SLC17A6: variants seen among roughly 807,000 people sequenced by gnomAD.
SLC17A6 encodes the protein solute carrier family 17 member 6.
SLC17A6 carries 35 observed loss-of-function variants against 67.1 expected under a neutral mutation model. The ratio of observed to expected loss-of-function variants is 0.52; its 90% CI spans 0.40 to 0.69. SLC17A6 has a LOEUF of 0.69. Ranked by LOEUF, SLC17A6 falls within the 30% of genes least tolerant of loss-of-function variation. SLC17A6 has a pLI of 0.00. For missense variants in SLC17A6, 588 were observed against 723.9 expected (o/e 0.81, Z 2.15); for synonymous variants, 285 against 252.3 (o/e 1.13, Z -1.23).
intron 3 of SLC17A6, among the ~76,000 whole-genome samples, chr11:22,347,218 A>C (rs1483594542): frequency 6.6e-6 from 1 of 150,678 alleles, no homozygotes; most frequent in Non-Finnish European, 1.5e-5. Flanking sequence ...AAATAAAATA[A>C]ATATCACAAC....
At chr11:22,346,066 C>G (rs1210351242) in intron 3 of SLC17A6, among the ~76,000 whole-genome samples, 1 of 152,094 alleles carries the variant, frequency 6.6e-6, no homozygotes, top group African/African-American at 2.4e-5. Flanking sequence ...CATCATGTAC[C>G]CATTCAAATA....
In SLC17A6 at chr11:22,338,614, C is replaced by A; in HGVS notation, c.81C>A (p.Ile27=). Reference sequence around the variant, plus strand: ...TTGCTGGAAAATCACTCGGCCAGATCTACAGGTAAGACAAAGCGAACACTT... The same window carrying A: ...TTGCTGGAAAATCACTCGGCCAGATATACAGGTAAGACAAAGCGAACACTT... ...KNFAGKSLGQ[I]YRVLEKKQDT... is the part of the protein sequence containing the mutation. The change falls in exon 1 of 12, where the codon ATC becomes ATA. Residue 27 remains isoleucine (I), a synonymous_variant. Transcript: ENST00000263160. The A allele has an allele frequency of 6.2e-7, 1 of 1,612,314 alleles. No individual in the cohort carries two copies. Among genetic ancestry groups the A allele is most frequent in the Non-Finnish European group, 8.5e-7 (1 of 1,178,864 alleles).
intron 1 of SLC17A6, 48 bp downstream of exon 1, chr11:22,338,667 T>C: frequency 7.3e-7 from 1 of 1,375,676 alleles, no homozygotes. Context: ...CATGAAAAAA[T>C]CTGCAGGGCC....
At chr11:22,376,414 A>T in intron 10 of SLC17A6, 131 bp from the exon 11 acceptor site, 1 of 978,978 alleles carries the variant, frequency 1.0e-6, no homozygotes, top group Non-Finnish European at 1.5e-6. Context: ...CCCGAGAGAA[A>T]TTATCACAAA....
chr11:22,340,506 T>G (rs747495162), intron 1 of SLC17A6, among the ~76,000 whole-genome samples: 1 of 152,168 alleles, frequency 6.6e-6, no homozygotes, highest in Non-Finnish European at 1.5e-5. Context: ...TGAAACACTA[T>G]GCAAAAACAA....
At chr11:22,360,618 T>A (rs1233300162) in intron 4 of SLC17A6, among the ~76,000 whole-genome samples, 1 of 147,796 alleles carries the variant, frequency 6.8e-6, no homozygotes, top group Non-Finnish European at 1.5e-5. Flanking sequence ...TTTCAGGAAG[T>A]GTGAGCTCCA....
At chr11:22,362,291 G>A (rs746443610) in intron 5 of SLC17A6, 40 of 396,800 alleles carry the variant, frequency 1.0e-4, no homozygotes, top group Non-Finnish European at 1.9e-4. Flanking sequence ...CAAAGAGACC[G>A]CTGGCAGAGA....
intron 3 of SLC17A6, among the ~76,000 whole-genome samples, chr11:22,355,068 G>C (rs1483150156): frequency 6.6e-6 from 1 of 152,156 alleles, no homozygotes; most frequent in African/African-American, 2.4e-5. Context: ...TGCTTAGAGT[G>C]TGCCAGCCAT....
intron 1 of SLC17A6, 87 bp downstream of exon 1, chr11:22,338,706 G>A (rs565960061): frequency 1.4e-5 from 13 of 959,602 alleles, no homozygotes; most frequent in African/African-American, 1.3e-4. Context: ...GGCTCAGAAA[G>A]ATTGTAATAT....
At chr11:22,351,379 C>T (rs1310069963) in intron 3 of SLC17A6, among the ~76,000 whole-genome samples, 2 of 152,050 alleles carry the variant, frequency 1.3e-5, no homozygotes, top group African/African-American at 4.8e-5. Flanking sequence ...TCCACCCTCA[C>T]CACCACCCCA....
chr11:22,374,921 T>C, intron 9 of SLC17A6, 34 bp downstream of exon 9: 1 of 1,583,186 alleles, frequency 6.3e-7, no homozygotes, highest in African/African-American at 1.4e-5. Flanking sequence ...GACATGTTTT[T>C]AGTTCAATCA....
At chr11:22,341,826 G>GCCT in intron 2 of SLC17A6, 46 bp downstream of exon 2, 1 of 1,599,636 alleles carries the variant, frequency 6.3e-7, no homozygotes, top group Non-Finnish European at 8.5e-7. Flanking sequence ...CGGCCATGCG[G>GCCT]CCTCGCAAAA....
chr11:22,370,609 G>T (rs572427562), intron 8 of SLC17A6, among the ~76,000 whole-genome samples: 12 of 152,156 alleles, frequency 7.9e-5, no homozygotes, highest in Admixed American at 4.6e-4. Flanking sequence ...TAGAACTCTT[G>T]TCCAGCTACA....
intron 8 of SLC17A6, 25 bp downstream of exon 8, chr11:22,370,213 A>T (rs1444698935): frequency 6.4e-7 from 1 of 1,571,310 alleles, no homozygotes; most frequent in African/African-American, 1.4e-5. Context: ...TTCTTATATA[A>T]ATTGTGGATT....
At chr11:22,351,109 T>C (rs930075300) in intron 3 of SLC17A6, among the ~76,000 whole-genome samples, 3 of 152,148 alleles carry the variant, frequency 2.0e-5, no homozygotes, top group African/African-American at 7.2e-5. Flanking sequence ...ATCTTCATAA[T>C]TGCCTTTGTT....
intron 3 of SLC17A6, among the ~76,000 whole-genome samples, chr11:22,343,860 AG>A (rs929716281): frequency 2.0e-5 from 3 of 152,002 alleles, no homozygotes; most frequent in Admixed American, 6.6e-5. Context: ...ATTTGTTTCT[AG>A]GGGGGCAGGC....
At chr11:22,350,944 A>G (rs2133863750) in intron 3 of SLC17A6, among the ~76,000 whole-genome samples, 1 of 152,292 alleles carries the variant, frequency 6.6e-6, no homozygotes, top group South Asian at 2.1e-4. Context: ...GTTTTCATAT[A>G]TAGTGATAAA....
At chr11:22,343,055 T>C in intron 2 of SLC17A6, 192 bp from the exon 3 acceptor site, 1 of 653,268 alleles carries the variant, frequency 1.5e-6, no homozygotes, top group Non-Finnish European at 2.7e-6. Context: ...TCACAATACA[T>C]TTTGTTAATG....
At chr11:22,345,220 A>C (rs1017431752) in intron 3 of SLC17A6, among the ~76,000 whole-genome samples, 2 of 152,170 alleles carry the variant, frequency 1.3e-5, no homozygotes, top group Non-Finnish European at 2.9e-5. Flanking sequence ...AAATAAAAAA[A>C]AAAAGCAAAC....
Sources: gnomAD v4.1 joint callset for allele counts (sites outside exome capture counted in the v4.1 genomes callset) on GRCh38, gnomAD v4.1.1 for gene constraint, MANE v1.5 for transcripts, NCBI Gene and HGNC (gene_info 2026-07-23, HGNC 2026-07-21) for gene names.